CNTN4: variants seen among roughly 807,000 people sequenced by gnomAD.
CNTN4 encodes contactin 4, also known as contactin-4.
Under a neutral mutation model 122.5 loss-of-function variants are expected in CNTN4, and 77 were observed. The ratio of observed to expected loss-of-function variants is 0.63; its 90% CI spans 0.52 to 0.76. The LOEUF (loss-of-function observed/expected upper bound fraction) is 0.76, where lower values mean the gene tolerates loss of function less well. CNTN4 is among the 30% of genes least tolerant of loss of function. CNTN4 has a pLI of 0.00. For missense variants in CNTN4, 1,256 were observed against 1,259.1 expected (o/e 1.00, Z 0.04); for synonymous variants, 512 against 447.0 (o/e 1.15, Z -1.83).
chr3:2,900,821 G>A lies in CNTN4; in HGVS notation c.1077G>A (p.Arg359=), dbSNP rs916280626. The A allele has an allele frequency of 6.2e-7, 1 of 1,613,762 alleles. No homozygotes were observed. Among genetic ancestry groups the A allele is most frequent in the African/African-American group, 1.3e-5 (1 of 75,024 alleles). ...AAAATGGCGAACCTCTGCTAACTCG[G>A]GTAAGCAAGTTAATGGTAATTGTGC... ...WLKNGEPLLT[R]DRIQIEQGTL... The change falls in exon 11 of 25, where the codon CGG becomes CGA. Residue 359 remains arginine, a splice_region_variant and synonymous_variant. Transcript: ENST00000418658.
At chr3:2,274,700 A>G (rs2041433065) in intron 2 of CNTN4, among the ~76,000 whole-genome samples, 3 of 152,112 alleles carry the variant, frequency 2.0e-5, no homozygotes, top group Non-Finnish European at 4.4e-5. Context: ...GAGGGAGGGA[A>G]GAGAAATTTG....
At chr3:2,811,078 A>G (rs1261226963) in intron 6 of CNTN4, among the ~76,000 whole-genome samples, 2 of 152,006 alleles carry the variant, frequency 1.3e-5, no homozygotes, top group Non-Finnish European at 2.9e-5. Context: ...TTTGTATCTC[A>G]AGGGTACATT....
intron 4 of CNTN4, among the ~76,000 whole-genome samples, chr3:2,675,251 T>C (rs1359601172): frequency 6.6e-6 from 1 of 152,044 alleles, no homozygotes; most frequent in Non-Finnish European, 1.5e-5. Context: ...CCATCTCCTC[T>C]CTTATCTCTA....
chr3:2,460,720 C>T (rs989412399), intron 3 of CNTN4, among the ~76,000 whole-genome samples: 6 of 152,262 alleles, frequency 3.9e-5, no homozygotes, highest in South Asian at 2.1e-4. Flanking sequence ...AAGGTCTCAA[C>T]GCAAATCTTT....
intron 2 of CNTN4, among the ~76,000 whole-genome samples, chr3:2,162,065 C>G (rs1337208764): frequency 6.6e-6 from 1 of 152,012 alleles, no homozygotes; most frequent in African/African-American, 2.4e-5. Flanking sequence ...TAGTTTTATT[C>G]TTTTTCAATG....
intron 4 of CNTN4, among the ~76,000 whole-genome samples, chr3:2,608,258 C>T (rs2081340825): frequency 6.6e-6 from 1 of 152,132 alleles, no homozygotes; most frequent in Admixed American, 6.5e-5. Context: ...TCCCAGGTGC[C>T]CAAGTCCACT....
At chr3:2,224,649 T>C (rs926049656) in intron 2 of CNTN4, among the ~76,000 whole-genome samples, 3 of 152,174 alleles carry the variant, frequency 2.0e-5, no homozygotes, top group Non-Finnish European at 4.4e-5. Context: ...GCTATGGTTG[T>C]TGAGAAGATT....
intron 3 of CNTN4, among the ~76,000 whole-genome samples, chr3:2,562,652 G>C (rs1040645771): frequency 3.2e-4 from 49 of 151,608 alleles, no homozygotes; most frequent in African/African-American, 1.2e-3. Context: ...TTGATTCTAT[G>C]ACCATGAATA....
chr3:2,955,150 A>G (rs950185551), intron 13 of CNTN4, among the ~76,000 whole-genome samples: 3 of 152,210 alleles, frequency 2.0e-5, no homozygotes, highest in African/African-American at 7.2e-5. Context: ...AAAAAACGGT[A>G]GACAGAAGAG....
At chr3:2,750,086 T>C (rs2090017041) in intron 6 of CNTN4, among the ~76,000 whole-genome samples, 1 of 152,212 alleles carries the variant, frequency 6.6e-6, no homozygotes, top group Non-Finnish European at 1.5e-5. Flanking sequence ...CCTGTATCTT[T>C]TTAAAAATGA....
Position 2,379,865 on chromosome 3 carries a change from A to G in CNTN4, c.-89+40632A>G, listed in dbSNP as rs142072803. On this transcript the variant is annotated intron_variant, in intron 3 of 24. Transcript: ENST00000418658. ...AGGTGGGGAGTTCGAGACCAACCTGACAAACATGGAGAAACCCCATCTCTA... is the reference window on the plus strand; with the variant it reads ...AGGTGGGGAGTTCGAGACCAACCTGGCAAACATGGAGAAACCCCATCTCTA... Among the ~76,000 whole-genome samples the G allele has an allele frequency of 4.8e-4, 73 of 152,166 alleles. No homozygotes were observed. The East Asian group carries it at 0.011, about 23-fold the overall frequency.
chr3:3,026,505 C>T (rs899507392), intron 15 of CNTN4, among the ~76,000 whole-genome samples: 9 of 152,098 alleles, frequency 5.9e-5, no homozygotes, highest in Non-Finnish European at 1.3e-4. Context: ...TTATTCATTC[C>T]TGTGTATGGA....
At chr3:2,768,536 A>G (rs569408419) in intron 6 of CNTN4, among the ~76,000 whole-genome samples, 32 of 152,266 alleles carry the variant, frequency 2.1e-4, no homozygotes, top group African/African-American at 7.5e-4. Context: ...AACATGGTGG[A>G]CCAATGGGAG....
chr3:2,483,485 A>AAACAAGAT (rs2076063413), intron 3 of CNTN4, among the ~76,000 whole-genome samples: 1 of 152,166 alleles, frequency 6.6e-6, no homozygotes, highest in African/African-American at 2.4e-5. Flanking sequence ...TTGTGTTTTG[A>AAACAAGAT]AACAAGATTT....
intron 2 of CNTN4, among the ~76,000 whole-genome samples, chr3:2,175,997 C>T (rs73806376): frequency 0.019 from 2,873 of 152,222 alleles, 91 homozygotes; most frequent in African/African-American, 0.066. Context: ...ATGGTTTATT[C>T]CATGTATGTG....
At chr3:2,950,704 G>A (rs982882149) in intron 13 of CNTN4, among the ~76,000 whole-genome samples, 4 of 152,200 alleles carry the variant, frequency 2.6e-5, no homozygotes, top group African/African-American at 9.7e-5. Context: ...TGAATGTGGA[G>A]GATGAAAAGA....
At position 2,859,604 on chromosome 3, in the gene CNTN4, C is replaced by G. The variant is rs1322732785; in HGVS notation, c.455-7148C>G. Among the ~76,000 whole-genome samples, 3 of 151,508 alleles carry G rather than the reference C, an allele frequency of 2.0e-5. No individual in the cohort carries two copies. In the East Asian group the frequency reaches 5.8e-4, roughly 29 times the overall value. Reference sequence around the variant, plus strand: ...AAAGTTTACTGACTCCAGATCTAGGCAATATTTCTCAAACTTTCTCACTGA... The same window carrying G: ...AAAGTTTACTGACTCCAGATCTAGGGAATATTTCTCAAACTTTCTCACTGA... On this transcript the variant is annotated intron_variant, in intron 7 of 24. Transcript: ENST00000418658.
intron 3 of CNTN4, among the ~76,000 whole-genome samples, chr3:2,381,153 C>A (rs2046004484): frequency 6.6e-6 from 1 of 151,750 alleles, no homozygotes; most frequent in South Asian, 2.1e-4. Context: ...CTACAGGCGC[C>A]CGCCACCACA....
intron 3 of CNTN4, among the ~76,000 whole-genome samples, chr3:2,450,038 AG>A (rs1434466319): frequency 6.6e-6 from 1 of 152,172 alleles, no homozygotes; most frequent in African/African-American, 2.4e-5. Flanking sequence ...TAGTGCTTAT[AG>A]TTAACAGTAC....
Sources: allele counts gnomAD v4.1 joint callset (sites outside exome capture counted in the v4.1 genomes callset), GRCh38; gene constraint gnomAD v4.1.1; transcripts MANE v1.5; gene names NCBI Gene and HGNC (gene_info 2026-07-23, HGNC 2026-07-21).